CDH23: variants seen among roughly 807,000 people sequenced by gnomAD.
The protein encoded by CDH23 is cadherin-23.
In CDH23, 189 loss-of-function variants were observed where a neutral mutation model predicts 317.1. The ratio of observed to expected loss-of-function variants is 0.60; its 90% confidence interval spans 0.53 to 0.67. The LOEUF (loss-of-function observed/expected upper bound fraction) is 0.67, where lower values mean the gene tolerates loss of function less well. CDH23 is among the 30% of genes least tolerant of loss of function. The pLI, the probability that CDH23 is intolerant of heterozygous loss-of-function variation, is 0.00. For synonymous variants in CDH23, 1,839 were observed against 1,876.8 expected (o/e 0.98, Z 0.52); for missense variants, 4,401 against 4,592.4 (o/e 0.96, Z 1.20).
chr10:71,633,779 T>C (rs1246497570), intron 11 of CDH23, among the ~76,000 whole-genome samples: 1 of 152,052 alleles, frequency 6.6e-6, no homozygotes, highest in East Asian at 1.9e-4. Context: ...GGCAGACAGT[T>C]TGCACGAGGT....
intron 19 of CDH23, among the ~76,000 whole-genome samples, chr10:71,688,852 CAGGGGTGGTGGAGT>C (rs1865035286): frequency 8.1e-6 from 1 of 124,050 alleles, no homozygotes; most frequent in Admixed American, 7.8e-5. Context: ...GTGGTGGAGT[CAGGGGTGGTGGAGT>C]CAGGGATGAT....
At chr10:71,736,824 C>A (rs1839580307) in intron 34 of CDH23, among the ~76,000 whole-genome samples, 1 of 152,176 alleles carries the variant, frequency 6.6e-6, no homozygotes, top group Admixed American at 6.5e-5. Context: ...AGACATTGAT[C>A]AAATGATCAC....
intron 7 of CDH23, 112 bp downstream of exon 7, chr10:71,567,048 T>C: frequency 1.1e-6 from 1 of 951,632 alleles, no homozygotes; most frequent in South Asian, 1.6e-5. Context: ...CTCGATGATC[T>C]ATAATAATTA....
intron 55 of CDH23, 141 bp from the exon 56 acceptor site, chr10:71,805,665 G>GC: frequency 1.3e-6 from 1 of 794,400 alleles, no homozygotes; most frequent in Non-Finnish European, 1.9e-6. Flanking sequence ...ATCCAGCCGA[G>GC]CAGGCAGGCG....
intron 3 of CDH23, among the ~76,000 whole-genome samples, chr10:71,462,451 C>G (rs977917955): frequency 1.3e-5 from 2 of 152,216 alleles, no homozygotes; most frequent in African/African-American, 4.8e-5. Flanking sequence ...AAGAGTGGGG[C>G]TTCTGAAGCC....
intron 38 of CDH23, chr10:71,747,669 G>A (rs1338452838): frequency 6.6e-6 from 1 of 152,256 alleles, no homozygotes; most frequent in African/African-American, 2.4e-5. Context: ...TTCAGGGAAG[G>A]GGGTGGATCA....
At position 71,807,695 on chromosome 10, in the gene CDH23, C is replaced by A. The variant is rs1464901339; in HGVS notation, c.8488C>A (p.Gln2830Lys). The change falls in exon 59 of 70, where the codon CAG becomes AAG. Residue 2830 changes from glutamine (Q) to lysine (K), a missense_variant. Gln to Lys is a moderately conservative substitution (Grantham distance 53). Around this residue, in one of 3 missense-constraint regions of CDH23, gnomAD observed 1,144 missense variants for 1,138.2 expected, o/e 1.01. Coordinates refer to ENST00000224721, the MANE Select transcript of CDH23 (RefSeq NM_022124.6). ...CGACCTGGTTGCTGACCTCACACTG[C>A]AGGAGGTGCGCGTTGTGCTAGAGGA... ...TLDLVADLTL[Q>K]EVRVVLEDIN... 2 of 1,613,410 alleles carry A rather than the reference C, an allele frequency of 1.2e-6. No homozygotes were observed. The highest frequency in any genetic ancestry group is 1.7e-6 in the Non-Finnish European group (2 of 1,179,654).
intron 53 of CDH23, among the ~76,000 whole-genome samples, chr10:71,801,148 CTCTTT>C (rs1404700150): frequency 1.8e-5 from 2 of 110,832 alleles, no homozygotes; most frequent in East Asian, 3.0e-4. Context: ...GTCTCTCTCT[CTCTTT>C]TTTTTTTTTT....
At position 71,665,926 on chromosome 10, in the gene CDH23, A is replaced by G. The variant is rs545575576; in HGVS notation, c.1450-9186A>G. Among the ~76,000 whole-genome samples, 17 of 152,342 alleles carry G rather than the reference A, an allele frequency of 1.1e-4. No individual in the cohort carries two copies. The South Asian group carries it at 3.5e-3, about 32-fold the overall frequency. ...AGGATAGCAAAGATGCGTTAACACAAGTTCCACCTGCAACTGGTTGTTGGA... is the reference window on the plus strand; with the variant it reads ...AGGATAGCAAAGATGCGTTAACACAGGTTCCACCTGCAACTGGTTGTTGGA... On this transcript the variant is annotated intron_variant, in intron 14 of 69. Transcript: ENST00000224721.
At chr10:71,426,299 A>C (rs546791805) in intron 1 of CDH23, among the ~76,000 whole-genome samples, 16 of 152,268 alleles carry the variant, frequency 1.1e-4, no homozygotes, top group Admixed American at 9.1e-4. Context: ...GCACTTTCAG[A>C]GGGGGGCCAG....
At chr10:71,486,645 G>T (rs1200875750) in intron 3 of CDH23, among the ~76,000 whole-genome samples, 1 of 152,182 alleles carries the variant, frequency 6.6e-6, no homozygotes, top group African/African-American at 2.4e-5. Flanking sequence ...GGAAACGGAG[G>T]CTCAGGCCAT....
At chr10:71,505,301 A>C (rs1853573219) in intron 3 of CDH23, among the ~76,000 whole-genome samples, 1 of 152,206 alleles carries the variant, frequency 6.6e-6, no homozygotes, top group South Asian at 2.1e-4. Flanking sequence ...AGAGCTCTGA[A>C]AGTCAAGCCA....
At chr10:71,806,353 T>C in intron 57 of CDH23, 72 bp downstream of exon 57, 2 of 1,016,352 alleles carry the variant, frequency 2.0e-6, no homozygotes, top group Non-Finnish European at 3.0e-6. Flanking sequence ...CACACTCTCC[T>C]ATATACACTG....
At chr10:71,460,545 T>A (rs1850927207) in intron 3 of CDH23, among the ~76,000 whole-genome samples, 1 of 152,258 alleles carries the variant, frequency 6.6e-6, no homozygotes, top group South Asian at 2.1e-4. Context: ...CTTTGCCGCA[T>A]CGGCTGCTTT....
At chr10:71,535,383 TGAG>T (rs1855642635) in intron 6 of CDH23, among the ~76,000 whole-genome samples, 1 of 152,106 alleles carries the variant, frequency 6.6e-6, no homozygotes, top group African/African-American at 2.4e-5. Flanking sequence ...GTTCCGGTGG[TGAG>T]GAGTCTTCGG....
chr10:71,581,052 G>T (rs1406800318), intron 9 of CDH23, among the ~76,000 whole-genome samples: 1 of 152,212 alleles, frequency 6.6e-6, no homozygotes, highest in East Asian at 1.9e-4. Flanking sequence ...TCTGCCAAGG[G>T]TCTGTCTCAC....
chr10:71,794,071 G>A (rs1211878341), intron 48 of CDH23, among the ~76,000 whole-genome samples: 1 of 151,784 alleles, frequency 6.6e-6, no homozygotes, highest in Non-Finnish European at 1.5e-5. Flanking sequence ...GTGCAATCTC[G>A]GCTCACTGCA....
intron 3 of CDH23, among the ~76,000 whole-genome samples, chr10:71,485,239 A>G (rs1434737686): frequency 6.6e-6 from 1 of 151,932 alleles, no homozygotes; most frequent in Non-Finnish European, 1.5e-5. Context: ...GTTAGCCAGC[A>G]TGGTCTCAAT....
At chr10:71,687,537 C>A in intron 18 of CDH23, 110 bp from the exon 19 acceptor site, 1 of 935,866 alleles carries the variant, frequency 1.1e-6, no homozygotes, top group Non-Finnish European at 1.7e-6. Flanking sequence ...GAGGCCAAAG[C>A]TCTTTAGGGC....
Sources: allele counts gnomAD v4.1 joint callset (sites outside exome capture counted in the v4.1 genomes callset), GRCh38; gene constraint gnomAD v4.1.1; regional missense constraint gnomAD v4.1.1; transcripts MANE v1.5; gene names NCBI Gene and HGNC (gene_info 2026-07-23, HGNC 2026-07-21).